The following MYO3A variants were observed in gnomAD, a reference collection of about 807,000 sequenced individuals.
MYO3A encodes the protein myosin IIIA.
A neutral mutation model predicts 192.7 loss-of-function variants in MYO3A; 180 were observed. The observed-to-expected ratio is 0.93, with a 90% confidence interval of 0.83 to 1.06. The LOEUF is 1.06. Among genes scored for constraint, MYO3A ranks in the 50% least tolerant of loss-of-function variants. MYO3A has a pLI of 0.00. For missense variants in MYO3A, 1,896 were observed against 1,905.0 expected, an observed-to-expected ratio of 1.00 and a Z score of 0.09; for synonymous variants, 628 against 645.3, an observed-to-expected ratio of 0.97 and a Z score of 0.41.
At chr10:26,049,673 CTTTTTTTTTTTT>C (rs66467075) in intron 10 of MYO3A, among the ~76,000 whole-genome samples, 1 of 69,114 alleles carries the variant, frequency 1.4e-5, no homozygotes, top group Non-Finnish European at 3.0e-5. Context: ...TTCTTTCTTT[CTTTTTTTTTTTT>C]TTTTTTTTTT....
intron 14 of MYO3A, among the ~76,000 whole-genome samples, chr10:26,080,009 GA>G (rs1835821714): frequency 4.6e-5 from 7 of 152,142 alleles, no homozygotes; most frequent in Admixed American, 4.6e-4. Flanking sequence ...CCTAGATGAA[GA>G]CCTTATTGTG....
At chr10:26,039,207 A>ATTTTTTTTTTTTTT (rs34416918) in intron 10 of MYO3A, among the ~76,000 whole-genome samples, 210 of 106,806 alleles carry the variant, frequency 2.0e-3, no homozygotes, top group Non-Finnish European at 2.2e-3. Context: ...GGCTCGGCTA[A>ATTTTTTTTTTTTTT]TTTTTTTTTT....
chr10:26,146,933 C>G (rs1167061683), intron 22 of MYO3A, among the ~76,000 whole-genome samples: 1 of 152,088 alleles, frequency 6.6e-6, no homozygotes, highest in Non-Finnish European at 1.5e-5. Flanking sequence ...GGTAACATAG[C>G]AAGACCTCAT....
chr10:25,952,048 G>T (rs1159589652), intron 2 of MYO3A, 46 bp from the exon 3 acceptor site: 5 of 1,441,710 alleles, frequency 3.5e-6, no homozygotes, highest in African/African-American at 1.4e-5. Flanking sequence ...TGTGCCATTT[G>T]ATATCCTCAA....
chr10:26,185,546 G>A (rs1053122247), intron 31 of MYO3A, among the ~76,000 whole-genome samples: 6 of 151,712 alleles, frequency 4.0e-5, no homozygotes, highest in Non-Finnish European at 7.4e-5. Flanking sequence ...CACCATGTTG[G>A]CCAGACTGGT....
intron 15 of MYO3A, among the ~76,000 whole-genome samples, chr10:26,094,426 T>TG (rs1215625039): frequency 7.0e-6 from 1 of 143,650 alleles, no homozygotes; most frequent in Admixed American, 6.9e-5. Flanking sequence ...ATTTCTTTTT[T>TG]TTTTTTTTTT....
At chr10:26,189,462 A>G (rs567100983) in intron 31 of MYO3A, among the ~76,000 whole-genome samples, 1 of 152,228 alleles carries the variant, frequency 6.6e-6, no homozygotes, top group African/African-American at 2.4e-5. Context: ...TGAAAGCTTC[A>G]TGAAAGAGAT....
chr10:25,966,785 A>G (rs1259078237), intron 4 of MYO3A, among the ~76,000 whole-genome samples: 3 of 152,224 alleles, frequency 2.0e-5, no homozygotes, highest in Non-Finnish European at 4.4e-5. Flanking sequence ...AAATTATAGT[A>G]TACGTAAAAA....
chr10:25,957,602 C>G (rs939366389), intron 4 of MYO3A, among the ~76,000 whole-genome samples: 2 of 152,040 alleles, frequency 1.3e-5, no homozygotes, highest in Admixed American at 1.3e-4. Context: ...TGGGTATATA[C>G]CCAGTAATGC....
intron 4 of MYO3A, among the ~76,000 whole-genome samples, chr10:25,985,565 C>A (rs2130822497): frequency 6.6e-6 from 1 of 152,184 alleles, no homozygotes; most frequent in African/African-American, 2.4e-5. Context: ...ACTATGAACA[C>A]CTTTGAGCAC....
intron 23 of MYO3A, among the ~76,000 whole-genome samples, chr10:26,150,029 C>CGTGTGTGTGTGT (rs35589117): frequency 4.7e-5 from 7 of 149,398 alleles, no homozygotes; most frequent in African/African-American, 1.7e-4. Flanking sequence ...GAATAGTATT[C>CGTGTGTGTGTGT]GTGTGTGTGT....
At chr10:26,171,881 T>TTACA (rs1157440508) in intron 29 of MYO3A, among the ~76,000 whole-genome samples, 1 of 152,216 alleles carries the variant, frequency 6.6e-6, no homozygotes, top group Middle Eastern at 3.2e-3. Context: ...TGATGTTCAA[T>TTACA]TACATACCCA....
intron 9 of MYO3A, among the ~76,000 whole-genome samples, chr10:26,024,564 T>C (rs1446345352): frequency 1.3e-5 from 2 of 152,208 alleles, no homozygotes; most frequent in Non-Finnish European, 2.9e-5. Flanking sequence ...ATGGTGTCAC[T>C]GGTCTGTGTA....
At chr10:26,116,416 T>TA (rs1838508319) in intron 17 of MYO3A, among the ~76,000 whole-genome samples, 1 of 152,210 alleles carries the variant, frequency 6.6e-6, no homozygotes, top group African/African-American at 2.4e-5. Flanking sequence ...GACACCAGTA[T>TA]AGTAGATTAG....
At chr10:26,158,757 G>A (rs188229054) in intron 26 of MYO3A, among the ~76,000 whole-genome samples, 144 of 151,758 alleles carry the variant, frequency 9.5e-4, no homozygotes, top group African/African-American at 3.3e-3. Context: ...CATTTTTAAA[G>A]ATGAAGTCTA....
intron 10 of MYO3A, among the ~76,000 whole-genome samples, chr10:26,050,838 C>G (rs979468205): frequency 1.3e-5 from 2 of 152,110 alleles, no homozygotes; most frequent in South Asian, 4.1e-4. Flanking sequence ...AAAGGGATTT[C>G]CATATGGTAG....
chr10:26,166,128 A>G lies in MYO3A; in HGVS notation c.3061A>G (p.Thr1021Ala). 1.2e-6 allele frequency: 2 copies of G among 1,614,092 alleles called. No individual in the cohort carries two copies. The highest frequency in any genetic ancestry group is 1.7e-6 in the Non-Finnish European group (2 of 1,180,032). The stretch of plus-strand genomic sequence containing the variant: ...CCGCATGAGCCCTGACACCTGTGCC[A>G]CCATTTTGGAAAAAGCTGGTCTCGA... ...EPRMSPDTCA[T>A]ILEKAGLDNW... The change falls in exon 27 of 35, where the codon ACC becomes GCC. Residue 1021 changes from threonine (T) to alanine (A), a missense_variant. Physicochemically the swap from Thr to Ala is moderately conservative, Grantham distance 58. Coordinates refer to ENST00000642920, the MANE Select transcript of MYO3A (RefSeq NM_017433.5).
At chr10:26,108,798 GA>G (rs2131628260) in intron 17 of MYO3A, among the ~76,000 whole-genome samples, 1 of 152,274 alleles carries the variant, frequency 6.6e-6, no homozygotes, top group African/African-American at 2.4e-5. Context: ...GGGGACTGGG[GA>G]ATGTTTTCAA....
intron 14 of MYO3A, among the ~76,000 whole-genome samples, chr10:26,078,268 G>A (rs1449995499): frequency 6.6e-6 from 1 of 151,568 alleles, no homozygotes; most frequent in African/African-American, 2.4e-5. Context: ...TCTCTTCTAG[G>A]TTTTCTAGTT....
Sources: gnomAD v4.1 joint callset for allele counts (sites outside exome capture counted in the v4.1 genomes callset) on GRCh38, gnomAD v4.1.1 for gene constraint, MANE v1.5 for transcripts, NCBI Gene and HGNC (gene_info 2026-07-23, HGNC 2026-07-21) for gene names.